The following NECTIN1 variants were observed in gnomAD, a reference collection of about 807,000 sequenced individuals.
NECTIN1 encodes nectin-1.
In NECTIN1, 23 loss-of-function variants were observed where a neutral mutation model predicts 48.0. The observed-to-expected ratio is 0.48, with a 90% confidence interval of 0.34 to 0.68. The LOEUF (loss-of-function observed/expected upper bound fraction) is 0.68, where lower values mean the gene tolerates loss of function less well. Among genes scored for constraint, NECTIN1 ranks in the 30% least tolerant of loss-of-function variants. The probability of loss-of-function intolerance (pLI) is 0.01; values close to 1 mark genes in which losing one functional copy is unlikely to be tolerated. For synonymous variants in NECTIN1, 270 were observed against 288.9 expected, an observed-to-expected ratio of 0.93 and a Z score of 0.66; for missense variants, 591 against 709.9, an observed-to-expected ratio of 0.83 and a Z score of 1.90.
At chr11:119,659,105 G>C (rs557293559), downstream of NECTIN1, 1 of 152,124 alleles carries the variant, frequency 6.6e-6, no homozygotes, top group Non-Finnish European at 1.5e-5. Flanking sequence ...ACCCACTCCC[G>C]TCCTGTGCTA....
At chr11:119,658,460 G>A (rs1045104816), downstream of NECTIN1, among the ~76,000 whole-genome samples, 10 of 152,110 alleles carry the variant, frequency 6.6e-5, no homozygotes, top group Non-Finnish European at 1.3e-4. Context: ...CGTGCTGCTC[G>A]GCATAGTGTC....
chr11:119,723,316 C>A (rs1348233424), intron 1 of NECTIN1, among the ~76,000 whole-genome samples: 1 of 151,936 alleles, frequency 6.6e-6, no homozygotes, highest in African/African-American at 2.4e-5. Flanking sequence ...GATTCCAACC[C>A]AGGCCAGTGG....
intron 1 of NECTIN1, among the ~76,000 whole-genome samples, chr11:119,710,269 C>T (rs907017290): frequency 4.6e-5 from 7 of 152,316 alleles, no homozygotes; most frequent in Middle Eastern, 3.4e-3. Context: ...GGGAGCAGTG[C>T]GGGAAGGTCA....
rs536151466 is a variant in NECTIN1 at position 119,639,980 on chromosome 11, C to T, written c.1036G>A (p.Ala346Thr). The change falls in exon 6 of 8, where the codon GCA (alanine) becomes ACA (threonine). Residue 346 changes from alanine (A) to threonine (T), a missense_variant. Ala to Thr is a moderately conservative substitution (Grantham distance 58, BLOSUM62 0). Coordinates refer to the NECTIN1 transcript ENST00000341398. ...ACGGTGCCCGCCAGGAGCCTGGCTGCACTTCCCAGACCCCTCTGGGGGCGG... is the reference window on the plus strand; with the variant it reads ...ACGGTGCCCGCCAGGAGCCTGGCTGTACTTCCCAGACCCCTCTGGGGGCGG... The T allele has an allele frequency of 1.7e-4, 273 of 1,613,744 alleles. 1 individual carries two copies. The highest frequency in any genetic ancestry group is 2.1e-4 in the Non-Finnish European group (253 of 1,179,852).
intron 1 of NECTIN1, among the ~76,000 whole-genome samples, chr11:119,710,309 T>C (rs1865618786): frequency 6.6e-6 from 1 of 152,224 alleles, no homozygotes; most frequent in Non-Finnish European, 1.5e-5. Context: ...CACATTCCTC[T>C]AACACCGTAC....
chr11:119,649,302 A>G (rs1028759813), intron 5 of NECTIN1, among the ~76,000 whole-genome samples: 1 of 151,716 alleles, frequency 6.6e-6, no homozygotes, highest in Non-Finnish European at 1.5e-5. Context: ...AATCACTTGA[A>G]CCCAGGAGGC....
exon 6 of NECTIN1, chr11:119,639,872 C>T: frequency 6.2e-7 from 1 of 1,614,156 alleles, no homozygotes. Flanking sequence ...CACCCGGCCC[C>T]ATCCGTCTCC....
chr11:119,668,941 T>C (rs1864821887), intron 5 of NECTIN1, among the ~76,000 whole-genome samples: 1 of 152,208 alleles, frequency 6.6e-6, no homozygotes, highest in African/African-American at 2.4e-5. Flanking sequence ...TCACTATTGT[T>C]ACATTTGTGC....
At position 119,665,175 on chromosome 11, in the gene NECTIN1, C is replaced by G. The variant is rs776896515; in HGVS notation, c.1126G>C (p.Val376Leu). 2 of 1,610,904 alleles carry G rather than the reference C, an allele frequency of 1.2e-6. No individual in the cohort carries two copies. The highest frequency in any genetic ancestry group is 4.5e-5 in the East Asian group (2 of 44,844). ...GTGTGCCGGCGCCGACGCAGGGCGA[C>G]CACGATCCCGCCGACCACAATCAAC... ...LVLIVVGGIV[V>L]ALRRRRHTFK... is the part of the protein sequence containing the mutation. The change falls in exon 6 of 6, where the codon GTC (valine) becomes CTC (leucine). Residue 376 changes from valine (V) to leucine (L), a missense_variant. Transcript: ENST00000264025. This position sits in a 1 kb window ranked among gnomAD's most constrained non-coding sequence, Gnocchi z 5.1.
rs933396792 is a variant in NECTIN1 at position 119,683,377 on chromosome 11, A to G, written c.80-4612T>C. 1.3e-5 allele frequency among the ~76,000 whole-genome samples: 2 copies of G among 152,022 alleles called. No homozygotes were observed. The stretch of plus-strand genomic sequence containing the variant: ...TGCTTTCCCACCCTGCCACAAAAAC[A>G]GACTCTGGCTCAACCTAACTCCCTG... On this transcript the variant is annotated intron_variant, in intron 1 of 5. Transcript: ENST00000264025. This position sits in a 1 kb window ranked among gnomAD's most constrained non-coding sequence, Gnocchi z 4.0.
chr11:119,695,757 C>T (rs150963423), intron 1 of NECTIN1, among the ~76,000 whole-genome samples: 20 of 152,288 alleles, frequency 1.3e-4, no homozygotes, highest in Admixed American at 3.9e-4. Context: ...ATGTGGGGGC[C>T]GCATTCAATT....
chr11:119,638,279 C>T (rs1418483353), intron 7 of NECTIN1: 1 of 1,613,002 alleles, frequency 6.2e-7, no homozygotes, highest in East Asian at 2.2e-5. Context: ...GCTGCACAGA[C>T]CTTTCCATGC....
chr11:119,652,058 G>A (rs1864499913), intron 5 of NECTIN1, among the ~76,000 whole-genome samples: 1 of 152,154 alleles, frequency 6.6e-6, no homozygotes, highest in South Asian at 2.1e-4. Context: ...CCCGCCGGCT[G>A]CCATCCAGCC....
chr11:119,695,206 G>T (rs370744515), intron 1 of NECTIN1, among the ~76,000 whole-genome samples: 2 of 151,914 alleles, frequency 1.3e-5, no homozygotes, highest in Admixed American at 6.6e-5. Context: ...ACAAGTCCCC[G>T]GTCGCTCTCC....
intron 5 of NECTIN1, among the ~76,000 whole-genome samples, chr11:119,650,834 A>G (rs1864480104): frequency 6.6e-6 from 1 of 152,146 alleles, no homozygotes; most frequent in Admixed American, 6.5e-5. Flanking sequence ...AAGTATGTTG[A>G]ACACTGCCTG....
downstream of NECTIN1, among the ~76,000 whole-genome samples, chr11:119,660,840 C>T (rs1490907859): frequency 6.6e-6 from 1 of 152,168 alleles, no homozygotes; most frequent in Admixed American, 6.5e-5. Flanking sequence ...TGAGCAGTCT[C>T]CCTCAGGGCT....
At chr11:119,638,250 G>C in intron 7 of NECTIN1, 10 of 1,613,940 alleles carry the variant, frequency 6.2e-6, no homozygotes, top group Admixed American at 1.7e-5. Context: ...TGGACAACCT[G>C]GAAGAGAAGG....
chr11:119,726,955 A>G (rs1865917241), intron 1 of NECTIN1, among the ~76,000 whole-genome samples: 1 of 152,058 alleles, frequency 6.6e-6, no homozygotes, highest in Admixed American at 6.6e-5. Context: ...TCTCACTCTC[A>G]CCAAGACCAC....
intron 1 of NECTIN1, among the ~76,000 whole-genome samples, chr11:119,717,301 G>C (rs1186534628): frequency 6.6e-6 from 1 of 152,218 alleles, no homozygotes; most frequent in Non-Finnish European, 1.5e-5. Flanking sequence ...TTCCCCCAAA[G>C]GCCTATCCAT....
Sources: gnomAD v4.1 joint callset for allele counts (sites outside exome capture counted in the v4.1 genomes callset) on GRCh38, gnomAD v4.1.1 for gene constraint, Gnocchi (gnomAD v3.1) non-coding constraint, MANE v1.5 for transcripts, NCBI Gene and HGNC (gene_info 2026-07-23, HGNC 2026-07-21) for gene names.